CTNNA3: variants seen among roughly 807,000 people sequenced by gnomAD.
The protein encoded by CTNNA3 is catenin alpha-3.
Under a neutral mutation model 95.7 loss-of-function variants are expected in CTNNA3, and 76 were observed. The observed-to-expected ratio is 0.79, with a 90% CI of 0.66 to 0.96. The LOEUF (loss-of-function observed/expected upper bound fraction) is 0.96. Among genes scored for constraint, CTNNA3 ranks in the 40% least tolerant of loss-of-function variants. The pLI is 0.00. For missense variants in CTNNA3, 1,191 were observed against 1,089.8 expected, an observed-to-expected ratio of 1.09 and a Z score of -1.31; for synonymous variants, 431 against 374.4, an observed-to-expected ratio of 1.15 and a Z score of -1.74.
intron 9 of CTNNA3, among the ~76,000 whole-genome samples, chr10:66,722,973 G>T (rs1589169998): frequency 6.6e-6 from 1 of 152,198 alleles, no homozygotes; most frequent in South Asian, 2.1e-4. Context: ...GGCCTTTTCT[G>T]CTCTATCATT....
Position 67,601,249 on chromosome 10 carries a change from T to C in CTNNA3, c.292+5608A>G, listed in dbSNP as rs1589474386. On this transcript the variant is annotated intron_variant, in intron 3 of 17. Transcript: ENST00000433211. ...CAACCATTTTGGCACCAGAAACCGG[T>C]TTCATGGAATATAATTTTTCCACAG... is the stretch of plus-strand genomic sequence containing the variant. Among the ~76,000 whole-genome samples the C allele has an allele frequency of 3.3e-5, 5 of 152,104 alleles. No individual in the cohort carries two copies. In the South Asian group the frequency reaches 8.3e-4, roughly 25 times the overall value.
chr10:66,775,556 G>T (rs376741437), intron 7 of CTNNA3, 32 bp from the exon 8 acceptor site: 2 of 1,461,552 alleles, frequency 1.4e-6, no homozygotes. Flanking sequence ...ATAAGCAATG[G>T]TATCAATTAA....
At chr10:66,476,004 C>A (rs1007405188) in intron 11 of CTNNA3, among the ~76,000 whole-genome samples, 1 of 152,056 alleles carries the variant, frequency 6.6e-6, no homozygotes, top group East Asian at 1.9e-4. Context: ...AAATGTGGTA[C>A]ATATACATCA....
At chr10:66,234,733 T>A (rs1262511554) in intron 13 of CTNNA3, among the ~76,000 whole-genome samples, 2 of 152,190 alleles carry the variant, frequency 1.3e-5, no homozygotes, top group Non-Finnish European at 2.9e-5. Flanking sequence ...GATCCCTTCC[T>A]CTTATTATTT....
In CTNNA3 at chr10:65,920,265, G is replaced by A. The variant is rs914043828; in HGVS notation, c.*65C>T. On this transcript the variant is annotated 3_prime_UTR_variant, in exon 18 of 18. Coordinates refer to ENST00000433211, the MANE Select transcript of CTNNA3 (RefSeq NM_013266.4). ...AGTGAAATTACAGAACTTCTTAAGTGTAAAATAAAGCAGTGTGGTTAGGCA... is the reference window on the plus strand; with the variant it reads ...AGTGAAATTACAGAACTTCTTAAGTATAAAATAAAGCAGTGTGGTTAGGCA... The A allele has an allele frequency of 7.4e-7, 1 of 1,357,726 alleles. No homozygotes were observed. The highest frequency in any genetic ancestry group is 1.5e-5 in the African/African-American group (1 of 68,396). The allele number at this position is 1,357,726 out of a possible 1,614,324, so 84.1% of individuals were successfully genotyped here. A position where few individuals can be genotyped will look rare whatever the true frequency, so the allele number is the denominator to read the frequency against.
intron 7 of CTNNA3, among the ~76,000 whole-genome samples, chr10:67,001,024 C>T (rs1276491031): frequency 6.6e-6 from 1 of 151,880 alleles, no homozygotes; most frequent in Non-Finnish European, 1.5e-5. Context: ...TTAAATAGGC[C>T]AGGTGCAGTG....
intron 10 of CTNNA3, among the ~76,000 whole-genome samples, chr10:66,592,465 C>A (rs1843585622): frequency 6.6e-6 from 1 of 152,112 alleles, no homozygotes; most frequent in Non-Finnish European, 1.5e-5. Flanking sequence ...CCAACCTCCA[C>A]TTTTCCATCC....
At chr10:67,137,112 G>A (rs947397353) in intron 7 of CTNNA3, among the ~76,000 whole-genome samples, 3 of 152,136 alleles carry the variant, frequency 2.0e-5, no homozygotes, top group Non-Finnish European at 4.4e-5. Context: ...CATTCAGAAA[G>A]ACAGATGCCC....
At chr10:67,321,100 C>G (rs2132552233) in intron 5 of CTNNA3, among the ~76,000 whole-genome samples, 1 of 152,258 alleles carries the variant, frequency 6.6e-6, no homozygotes, top group South Asian at 2.1e-4. Flanking sequence ...TGGCCCAACA[C>G]TAACTGCACT....
At chr10:66,503,932 C>T (rs1238833804) in intron 11 of CTNNA3, among the ~76,000 whole-genome samples, 1 of 152,034 alleles carries the variant, frequency 6.6e-6, no homozygotes, top group Non-Finnish European at 1.5e-5. Flanking sequence ...TTTTAATTAA[C>T]AAATATTAGT....
intron 7 of CTNNA3, among the ~76,000 whole-genome samples, chr10:67,058,797 A>C (rs1217107250): frequency 6.6e-6 from 1 of 152,160 alleles, no homozygotes; most frequent in Non-Finnish European, 1.5e-5. Context: ...GAGCATCTAC[A>C]AACCAGAAAA....
intron 7 of CTNNA3, among the ~76,000 whole-genome samples, chr10:66,882,404 A>G (rs1347748183): frequency 2.0e-5 from 3 of 152,284 alleles, no homozygotes; most frequent in East Asian, 3.9e-4. Flanking sequence ...TTCGGCCATC[A>G]AAACCATTAG....
intron 10 of CTNNA3, among the ~76,000 whole-genome samples, chr10:66,573,951 T>G (rs956186042): frequency 6.6e-6 from 1 of 152,128 alleles, no homozygotes; most frequent in Non-Finnish European, 1.5e-5. Flanking sequence ...AAATGTTTAA[T>G]GTACACCTAA....
At chr10:67,011,993 A>C (rs1406386113) in intron 7 of CTNNA3, among the ~76,000 whole-genome samples, 1 of 152,048 alleles carries the variant, frequency 6.6e-6, no homozygotes, top group Non-Finnish European at 1.5e-5. Context: ...CATTTCAAGA[A>C]CTCTATAGGC....
intron 4 of CTNNA3, among the ~76,000 whole-genome samples, chr10:67,537,951 C>T (rs1320643414): frequency 6.6e-6 from 1 of 151,618 alleles, no homozygotes; most frequent in Non-Finnish European, 1.5e-5. Context: ...ATTCCCTTTC[C>T]TAAAAAGCTA....
chr10:66,138,130 T>A (rs971149240), intron 13 of CTNNA3, among the ~76,000 whole-genome samples: 1 of 152,056 alleles, frequency 6.6e-6, no homozygotes, highest in African/African-American at 2.4e-5. Context: ...AAAGAAATAA[T>A]AATAAACCCA....
intron 13 of CTNNA3, among the ~76,000 whole-genome samples, chr10:66,200,042 C>T (rs1190070928): frequency 6.6e-6 from 1 of 150,900 alleles, no homozygotes; most frequent in Non-Finnish European, 1.5e-5. Flanking sequence ...TGATTTTAAA[C>T]ACCTTTCTAC....
chr10:67,080,691 C>G (rs892209821), intron 7 of CTNNA3, among the ~76,000 whole-genome samples: 1 of 151,930 alleles, frequency 6.6e-6, no homozygotes, highest in Non-Finnish European at 1.5e-5. Flanking sequence ...GGGCGGATCA[C>G]GAGGTCAGGA....
At chr10:66,895,173 C>T (rs1845431048) in intron 7 of CTNNA3, among the ~76,000 whole-genome samples, 1 of 151,730 alleles carries the variant, frequency 6.6e-6, no homozygotes, top group Non-Finnish European at 1.5e-5. Context: ...TAAATATAAT[C>T]CTTTCGGAGT....
Sources: gnomAD v4.1 joint callset for allele counts (sites outside exome capture counted in the v4.1 genomes callset) on GRCh38, gnomAD v4.1.1 for gene constraint, MANE v1.5 for transcripts, NCBI Gene and HGNC (gene_info 2026-07-23, HGNC 2026-07-21) for gene names.